MMP16: variants seen among roughly 807,000 people sequenced by gnomAD.
MMP16 encodes the protein matrix metalloproteinase-16.
A neutral mutation model predicts 67.8 loss-of-function variants in MMP16; 12 were observed. The observed-to-expected ratio is 0.18, with a 90% CI of 0.11 to 0.29. The LOEUF is 0.29. Ranked by LOEUF, MMP16 falls within the 10% of genes least tolerant of loss-of-function variation. The pLI is 1.00. For synonymous variants in MMP16, 249 were observed against 255.9 expected (o/e 0.97, Z 0.26); for missense variants, 475 against 765.7 (o/e 0.62, Z 4.48).
At chr8:88,049,173 G>C (rs1808237753) in intron 8 of MMP16, among the ~76,000 whole-genome samples, 2 of 152,318 alleles carry the variant, frequency 1.3e-5, no homozygotes, top group African/African-American at 2.4e-5. Flanking sequence ...TAGCTTCATG[G>C]AGAAGCACTG....
chr8:88,079,081 G>A (rs554619544), intron 6 of MMP16, among the ~76,000 whole-genome samples: 12 of 152,220 alleles, frequency 7.9e-5, no homozygotes, highest in African/African-American at 2.6e-4. Context: ...CAGCTCCTAC[G>A]CAGCTCCCAG....
chr8:88,175,100 A>G (rs1007590594), intron 3 of MMP16, among the ~76,000 whole-genome samples: 2 of 152,134 alleles, frequency 1.3e-5, no homozygotes, highest in African/African-American at 4.8e-5. Context: ...GGAAGCAGCC[A>G]AAAAGGTGAT....
chr8:88,141,631 A>C (rs934985108), intron 4 of MMP16, among the ~76,000 whole-genome samples: 2 of 152,184 alleles, frequency 1.3e-5, no homozygotes, highest in African/African-American at 4.8e-5. Context: ...ATTAAATAAA[A>C]ATTCACCTAT....
intron 6 of MMP16, among the ~76,000 whole-genome samples, chr8:88,091,135 A>G (rs1423938824): frequency 6.6e-6 from 1 of 151,854 alleles, no homozygotes; most frequent in African/African-American, 2.4e-5. Context: ...GAAGTCACTC[A>G]TATGATTAAA....
chr8:88,058,645 A>G lies in MMP16; in HGVS notation c.1223-2367T>C, dbSNP rs891586712. Among the ~76,000 whole-genome samples, 2 of 152,166 alleles carry G rather than the reference A, an allele frequency of 1.3e-5. No homozygotes were observed. Among genetic ancestry groups the G allele is most frequent in the Non-Finnish European group, 2.9e-5 (2 of 68,008 alleles). On this transcript the variant is annotated intron_variant, in intron 7 of 9. Coordinates refer to ENST00000286614, the MANE Select transcript of MMP16 (RefSeq NM_005941.5). The surrounding 1 kb of genome is among the most constrained non-coding windows in gnomAD (Gnocchi z 4.2). ...TTATTCAACTGTGACATATAATTCA[A>G]AGGAGCCAGACCACTGAAGATTGTT... is the stretch of plus-strand genomic sequence containing the variant.
At chr8:88,273,406 C>T (rs890761054) in intron 1 of MMP16, among the ~76,000 whole-genome samples, 1 of 152,032 alleles carries the variant, frequency 6.6e-6, no homozygotes. Context: ...AATAACCTGC[C>T]TTTGATGAGA....
chr8:88,180,007 C>T (rs988332361), intron 3 of MMP16, among the ~76,000 whole-genome samples: 15 of 152,100 alleles, frequency 9.9e-5, no homozygotes, highest in African/African-American at 3.1e-4. Context: ...ACTAGGTGGG[C>T]GCGGTGGCTC....
chr8:88,058,389 A>G lies in MMP16; in HGVS notation c.1223-2111T>C, dbSNP rs1297647135. 1.3e-5 allele frequency among the ~76,000 whole-genome samples: 2 copies of G among 152,172 alleles called. No individual in the cohort carries two copies. The highest frequency in any genetic ancestry group is 4.8e-5 in the African/African-American group (2 of 41,462). On this transcript the variant is annotated intron_variant, in intron 7 of 9. Transcript: ENST00000286614. The surrounding 1 kb of genome is among the most constrained non-coding windows in gnomAD (Gnocchi z 4.2). The stretch of plus-strand genomic sequence containing the variant: ...TGAATCATTCACTCAATAATTACTT[A>G]GTACATGTACCAGGCACTGTTGTAG...
At chr8:88,261,473 C>T (rs912690500) in intron 1 of MMP16, among the ~76,000 whole-genome samples, 4 of 151,934 alleles carry the variant, frequency 2.6e-5, no homozygotes, top group African/African-American at 7.3e-5. Context: ...AAATCCCACC[C>T]TAGCGTTCAT....
chr8:88,190,356 T>C (rs1809151116), intron 2 of MMP16, among the ~76,000 whole-genome samples: 1 of 152,146 alleles, frequency 6.6e-6, no homozygotes, highest in Non-Finnish European at 1.5e-5. Flanking sequence ...CCGAGCTAAA[T>C]TGGTCTTCAG....
chr8:88,227,260 G>C (rs964795605), intron 1 of MMP16, among the ~76,000 whole-genome samples: 5 of 151,924 alleles, frequency 3.3e-5, no homozygotes, highest in Admixed American at 6.6e-5. Flanking sequence ...TTAATTTTAG[G>C]AGATTTAAAG....
intron 4 of MMP16, among the ~76,000 whole-genome samples, chr8:88,157,917 C>T (rs970948736): frequency 6.6e-6 from 1 of 150,526 alleles, no homozygotes; most frequent in African/African-American, 2.4e-5. Context: ...TGAGAACATG[C>T]AGTGTTTGGT....
In MMP16 at chr8:88,159,845, C is replaced by T. The variant is rs192830275; in HGVS notation, c.709+7824G>A. Reference sequence around the variant, plus strand: ...TTTTGAGAGTTTTTAGCATGAAGGGCTGTTGAATTTTGTCAAAGGCCTTTT... The same window carrying T: ...TTTTGAGAGTTTTTAGCATGAAGGGTTGTTGAATTTTGTCAAAGGCCTTTT... On this transcript the variant is annotated intron_variant, in intron 4 of 9. Transcript: ENST00000286614. 8.7e-3 allele frequency among the ~76,000 whole-genome samples: 1,319 copies of T among 151,910 alleles called. 26 individuals carry two copies. The highest frequency in any genetic ancestry group is 0.084 in the South Asian group (401 of 4,800).
intron 1 of MMP16, among the ~76,000 whole-genome samples, chr8:88,274,039 T>A (rs894523600): frequency 3.9e-5 from 6 of 152,088 alleles, no homozygotes; most frequent in Non-Finnish European, 7.4e-5. Flanking sequence ...ACTAGTTTTA[T>A]GGGAAGAGAA....
intron 1 of MMP16, among the ~76,000 whole-genome samples, chr8:88,290,694 C>T (rs914482566): frequency 6.6e-6 from 1 of 152,162 alleles, no homozygotes; most frequent in African/African-American, 2.4e-5. Context: ...CCTCCTGCCT[C>T]AGCCTCCTGA....
At chr8:88,318,084 T>G (rs911904585) in intron 1 of MMP16, among the ~76,000 whole-genome samples, 1 of 152,226 alleles carries the variant, frequency 6.6e-6, no homozygotes, top group African/African-American at 2.4e-5. Context: ...TCAGTAGCTA[T>G]AGACACACAC....
intron 6 of MMP16, among the ~76,000 whole-genome samples, chr8:88,105,824 AAAC>A (rs1481608426): frequency 6.6e-6 from 1 of 151,328 alleles, no homozygotes; most frequent in African/African-American, 2.4e-5. Context: ...ACAAAATTAA[AAAC>A]AACAAATTTT....
At chr8:88,282,087 G>GTT (rs1447400294) in intron 1 of MMP16, among the ~76,000 whole-genome samples, 3 of 148,674 alleles carry the variant, frequency 2.0e-5, no homozygotes, top group African/African-American at 7.6e-5. Context: ...TTTTTTGGGG[G>GTT]GGGGGGGGCG....
intron 2 of MMP16, among the ~76,000 whole-genome samples, chr8:88,192,893 G>C (rs911229391): frequency 3.9e-5 from 6 of 152,006 alleles, no homozygotes; most frequent in Non-Finnish European, 8.8e-5. Context: ...TTATCGAAAA[G>C]ACAGGCCATA....
Sources: allele counts gnomAD v4.1 joint callset (sites outside exome capture counted in the v4.1 genomes callset), GRCh38; gene constraint gnomAD v4.1.1; non-coding constraint Gnocchi (gnomAD v3.1); transcripts MANE v1.5; gene names NCBI Gene and HGNC (gene_info 2026-07-23, HGNC 2026-07-21).